Variants in MCM7 observed in about 807,000 individuals in gnomAD.
MCM7 encodes the protein minichromosome maintenance complex component 7.
A neutral mutation model predicts 83.5 loss-of-function variants in MCM7; 95 were observed. That is an observed-to-expected ratio of 1.14 (90% CI 0.96 to 1.35). The LOEUF (loss-of-function observed/expected upper bound fraction) is 1.35, where lower values mean the gene tolerates loss of function less well. Ranked by LOEUF, MCM7 falls within the 40% of genes most tolerant of loss-of-function variation. The pLI, the probability that MCM7 is intolerant of heterozygous loss-of-function variation, is 0.00. For synonymous variants in MCM7, 461 were observed against 352.7 expected (o/e 1.31, Z -3.44); for missense variants, 1,087 against 957.4 (o/e 1.14, Z -1.79).
chr7:100,098,083 G>GA lies in MCM7; in HGVS notation c.870+57dup, dbSNP rs1183218351. On this transcript the variant is annotated intron_variant, in intron 7 of 14. Coordinates refer to ENST00000303887, the MANE Select transcript of MCM7 (RefSeq NM_005916.5). The stretch of plus-strand genomic sequence containing the variant: ...TGCTGCTCTTTTCTCTGTGTGGGTA[G>GA]AATGAGTAGGTGAGGGAAAAGGGGA... 1.9e-6 allele frequency: 3 copies of GA among 1,595,836 alleles called. No individual in the cohort carries two copies. The African/African-American group carries it at 4.0e-5, about 21-fold the overall frequency.
chr7:100,098,527 T>C (rs1371866899), intron 6 of MCM7, 51 bp downstream of exon 6: 2 of 1,609,132 alleles, frequency 1.2e-6, no homozygotes, highest in African/African-American at 2.7e-5. Flanking sequence ...GACTACAGGA[T>C]TCAAGTGGAC....
intron 1 of MCM7, 194 bp downstream of exon 1, chr7:100,101,070 C>T (rs1046883883): frequency 1.3e-6 from 1 of 745,528 alleles, no homozygotes; most frequent in Non-Finnish European, 2.1e-6. Flanking sequence ...ACTAGCTTTT[C>T]TTCAACATCG....
In MCM7 at chr7:100,095,195, A is replaced by C. The variant is rs149448794; in HGVS notation, c.1679+192T>G. On this transcript the variant is annotated intron_variant, in intron 12 of 14. Coordinates refer to ENST00000303887, the MANE Select transcript of MCM7 (RefSeq NM_005916.5). ...TCTCAAAAAAAATAAATAGTGTAGG[A>C]AACAAAATTTCCTGTGTCCCTATGA... Among the ~76,000 whole-genome samples, 836 of 152,372 alleles carry C rather than the reference A, an allele frequency of 5.5e-3. 5 individuals are homozygous for C. Among genetic ancestry groups the C allele is most frequent in the Middle Eastern group, 0.041 (12 of 294 alleles).
intron 12 of MCM7, among the ~76,000 whole-genome samples, chr7:100,094,777 C>T (rs1424639253): frequency 6.6e-6 from 1 of 152,186 alleles, no homozygotes; most frequent in Non-Finnish European, 1.5e-5. Flanking sequence ...TGCCTGGGAG[C>T]AGGTGTTTTA....
At chr7:100,098,947 G>T in intron 5 of MCM7, 76 bp downstream of exon 5, 1 of 1,572,680 alleles carries the variant, frequency 6.4e-7, no homozygotes. Flanking sequence ...TAAAACAATA[G>T]GCATCACAGG....
chr7:100,097,331 G>A lies in MCM7; in HGVS notation c.1171C>T (p.Leu391=). Residue 391 remains leucine (L), a synonymous_variant, in exon 10 of 15, where the codon CTG becomes TTG. Transcript: ENST00000303887. ...GGCGCCAGTCGATCAATGTATGACA[G>A]GAGCTGAGACTTGGCCACACCAGGA... ...GDPGVAKSQL[L]SYIDRLAPRS... The A allele has an allele frequency of 6.2e-7, 1 of 1,614,188 alleles. No individual in the cohort carries two copies. The highest frequency in any genetic ancestry group is 8.5e-7 in the Non-Finnish European group (1 of 1,180,036).
At chr7:100,094,550 T>TC in intron 12 of MCM7, among the ~76,000 whole-genome samples, 1 of 152,342 alleles carries the variant, frequency 6.6e-6, no homozygotes, top group East Asian at 1.9e-4. Context: ...ACCAGTATCC[T>TC]CCAAGTTATT....
chr7:100,100,772 C>G (rs1018638051), intron 1 of MCM7: 2 of 992,822 alleles, frequency 2.0e-6, no homozygotes, highest in Admixed American at 6.1e-5. Context: ...CCAGCCTCCT[C>G]GCGCCACTTC....
At position 100,100,329 on chromosome 7, in the gene MCM7, G is replaced by A. The variant is rs373666524; in HGVS notation, c.32-236C>T. 7.7e-5 allele frequency: 93 copies of A among 1,208,640 alleles called. No homozygotes were observed. In the African/African-American group the frequency reaches 1.4e-3, roughly 18 times the overall value. The allele number at this position is 1,208,640 out of a possible 1,614,324, so 74.9% of individuals were successfully genotyped here. The stretch of plus-strand genomic sequence containing the variant: ...CCAACATCTCCCCAGGGGAATTCCG[G>A]TCCCTACTTTAGTTTAAAATTCTAG... On this transcript the variant is annotated intron_variant, in intron 1 of 14. Transcript: ENST00000303887.
At chr7:100,095,312 A>G (rs888610385) in intron 12 of MCM7, 75 bp downstream of exon 12, 2 of 1,300,462 alleles carry the variant, frequency 1.5e-6, no homozygotes, top group Non-Finnish European at 1.1e-6. Flanking sequence ...ACACACCCTA[A>G]GACTAATAAG....
chr7:100,097,771 T>C, intron 8 of MCM7, 26 bp from the exon 9 acceptor site: 2 of 1,614,094 alleles, frequency 1.2e-6, no homozygotes, highest in South Asian at 2.2e-5. Flanking sequence ...GGTTGTTTTA[T>C]TTTCTGGGGG....
intron 3 of MCM7, 82 bp downstream of exon 3, chr7:100,099,507 G>A (rs983529441): frequency 6.3e-7 from 1 of 1,587,940 alleles, no homozygotes; most frequent in Non-Finnish European, 8.6e-7. Context: ...TGCCTGCTCA[G>A]AAAACATCAG....
At position 100,101,382 on chromosome 7, in the gene MCM7, C is replaced by A. The variant is rs528128679; in HGVS notation, c.-88G>T. ...AGAATCTCCGCGCGGTGGACTGTGG[C>A]CGGCCAACCGAAATTGGCGCGAAAC... On this transcript the variant is annotated 5_prime_UTR_variant, in exon 1 of 15. Transcript: ENST00000303887. The A allele has an allele frequency of 1.4e-5, 22 of 1,571,788 alleles. 1 individual carries two copies. The Admixed American group carries it at 1.7e-4, about 12-fold the overall frequency.
rs1308584154 is a variant in MCM7 at position 100,101,362 on chromosome 7, C to T, written c.-68G>A. 7 of 1,604,020 alleles carry T rather than the reference C, an allele frequency of 4.4e-6. No individual in the cohort carries two copies. Among genetic ancestry groups the T allele is most frequent in the African/African-American group, 1.3e-5 (1 of 74,810 alleles). On this transcript the variant is annotated 5_prime_UTR_variant, in exon 1 of 15. Coordinates refer to ENST00000303887, the MANE Select transcript of MCM7 (RefSeq NM_005916.5). ...TCTTGCTCCTGGGGAAGCTGAGAATCTCCGCGCGGTGGACTGTGGCCGGCC... is the reference window on the plus strand; with the variant it reads ...TCTTGCTCCTGGGGAAGCTGAGAATTTCCGCGCGGTGGACTGTGGCCGGCC...
In MCM7 at chr7:100,095,764, C is replaced by G. The variant is rs370753566; in HGVS notation, c.1595+10G>C. 4 of 1,558,820 alleles carry G rather than the reference C, an allele frequency of 2.6e-6. No individual in the cohort carries two copies. The African/African-American group carries it at 5.4e-5, about 21-fold the overall frequency. Reference sequence around the variant, plus strand: ...AGGGGACCTCTCTTTGGGTGTTGAGCTTCATTCACCGTAGGTCATTGTCTC... The same window carrying G: ...AGGGGACCTCTCTTTGGGTGTTGAGGTTCATTCACCGTAGGTCATTGTCTC... On this transcript the variant is annotated intron_variant, in intron 11 of 14. Transcript: ENST00000303887.
rs745734517 is a variant in MCM7 at position 100,094,359 on chromosome 7, T to C, written c.1680-18A>G. The stretch of plus-strand genomic sequence containing the variant: ...TGTAACGCCTGTGGGGGAAGGTTCA[T>C]GGGGAAGCAGAAGAGGGAGATGGGG... On this transcript the variant is annotated intron_variant, in intron 12 of 14. Transcript: ENST00000303887. The C allele has an allele frequency of 5.6e-6, 9 of 1,613,464 alleles. No individual in the cohort carries two copies. Among genetic ancestry groups the C allele is most frequent in the Admixed American group, 1.7e-5 (1 of 60,006 alleles).
At chr7:100,100,409 C>T (rs1795913075) in intron 1 of MCM7, 6 of 1,054,634 alleles carry the variant, frequency 5.7e-6, no homozygotes, top group Non-Finnish European at 6.9e-6. Context: ...AGCTTTCTTT[C>T]CACCCCTATG....
chr7:100,094,699 A>C (rs975513508), intron 12 of MCM7, among the ~76,000 whole-genome samples: 2 of 152,254 alleles, frequency 1.3e-5, no homozygotes, highest in Non-Finnish European at 2.9e-5. Context: ...AATATTTAAA[A>C]GGGAGTAAAA....
At chr7:100,097,210 G>C in intron 10 of MCM7, 91 bp downstream of exon 10, 1 of 1,124,690 alleles carries the variant, frequency 8.9e-7, no homozygotes, top group East Asian at 2.5e-5. Flanking sequence ...TGGGATTACA[G>C]GCGTGAGCAA....
Sources: allele counts gnomAD v4.1 joint callset (sites outside exome capture counted in the v4.1 genomes callset), GRCh38; gene constraint gnomAD v4.1.1; transcripts MANE v1.5; gene names NCBI Gene and HGNC (gene_info 2026-07-23, HGNC 2026-07-21).